The following MNAT1 variants were observed in gnomAD, a reference collection of about 807,000 sequenced individuals.
The protein encoded by MNAT1 is CDK-activating kinase assembly factor MAT1.
A neutral mutation model predicts 42.0 loss-of-function variants in MNAT1; 43 were observed. That is an observed-to-expected ratio of 1.02 (90% CI 0.80 to 1.32). The LOEUF (loss-of-function observed/expected upper bound fraction) is 1.32, where lower values mean the gene tolerates loss of function less well. Ranked by LOEUF, MNAT1 falls within the 40% of genes most tolerant of loss-of-function variation. The pLI, the probability that MNAT1 is intolerant of heterozygous loss-of-function variation, is 0.00. For synonymous variants in MNAT1, 118 were observed against 120.0 expected (o/e 0.98, Z 0.11); for missense variants, 306 against 350.4 (o/e 0.87, Z 1.01).
At chr14:60,850,047 T>G (rs1319065753) in intron 6 of MNAT1, among the ~76,000 whole-genome samples, 4 of 152,056 alleles carry the variant, frequency 2.6e-5, no homozygotes. Flanking sequence ...ATTTTGACCA[T>G]GCTGGTATCA....
chr14:60,807,962 C>T (rs1242754084), intron 3 of MNAT1, among the ~76,000 whole-genome samples: 1 of 151,604 alleles, frequency 6.6e-6, no homozygotes, highest in Non-Finnish European at 1.5e-5. Flanking sequence ...AATTCTGATT[C>T]TTGTAGTAGA....
intron 6 of MNAT1, among the ~76,000 whole-genome samples, chr14:60,860,234 T>TTGA (rs762746423): frequency 1.3e-5 from 2 of 152,102 alleles, no homozygotes; most frequent in African/African-American, 2.4e-5. Flanking sequence ...TCTCTTCCTG[T>TTGA]TGATGATGAT....
At chr14:60,888,466 C>T (rs1020634385) in intron 7 of MNAT1, among the ~76,000 whole-genome samples, 1 of 152,056 alleles carries the variant, frequency 6.6e-6, no homozygotes, top group Admixed American at 6.6e-5. Flanking sequence ...TAAGAGCTAT[C>T]TATGACAAAC....
intron 1 of MNAT1, among the ~76,000 whole-genome samples, chr14:60,747,724 T>A (rs937175771): frequency 4.6e-5 from 7 of 152,164 alleles, no homozygotes; most frequent in Non-Finnish European, 7.4e-5. Flanking sequence ...TATAAAAAAA[T>A]TTTCTTTCTT....
rs978672672 is a variant in MNAT1 at position 60,948,179 on chromosome 14, T to C, written c.810-20050T>C. ...AGCATGGTGACTCACGCCTGTAATC[T>C]CAGCGCTTACCAAGGCCAAGGCGGG... On this transcript the variant is annotated intron_variant, in intron 7 of 7. Coordinates refer to ENST00000261245, the MANE Select transcript of MNAT1 (RefSeq NM_002431.4). Among the ~76,000 whole-genome samples the C allele has an allele frequency of 4.4e-4, 67 of 152,132 alleles. 1 individual carries two copies. Among genetic ancestry groups the C allele is most frequent in the Non-Finnish European group, 1.0e-4 (7 of 68,018 alleles).
chr14:60,836,899 T>C (rs2033406055), intron 6 of MNAT1, among the ~76,000 whole-genome samples: 1 of 152,136 alleles, frequency 6.6e-6, no homozygotes. Context: ...TATAAGCCCC[T>C]TACTGGGGCT....
intron 3 of MNAT1, among the ~76,000 whole-genome samples, chr14:60,802,931 C>CTT (rs562133472): frequency 7.3e-4 from 97 of 133,290 alleles, no homozygotes; most frequent in African/African-American, 1.2e-3. Flanking sequence ...ATAAATAAAA[C>CTT]TTTTTTTTTT....
At chr14:60,760,280 C>G (rs1204375049) in intron 1 of MNAT1, among the ~76,000 whole-genome samples, 1 of 151,654 alleles carries the variant, frequency 6.6e-6, no homozygotes, top group Non-Finnish European at 1.5e-5. Context: ...ATGGATATTG[C>G]TTCTGTTGAT....
At chr14:60,780,384 C>T (rs1159101556) in intron 1 of MNAT1, 1 of 1,568,314 alleles carries the variant, frequency 6.4e-7, no homozygotes, top group African/African-American at 1.3e-5. Context: ...AGACAGATCA[C>T]AGCTACAGTG....
At chr14:60,907,069 T>A (rs1399933258) in intron 7 of MNAT1, among the ~76,000 whole-genome samples, 1 of 152,182 alleles carries the variant, frequency 6.6e-6, no homozygotes, top group Admixed American at 6.5e-5. Flanking sequence ...ACAAAATTTC[T>A]ATTTTTAACT....
chr14:60,967,667 C>T (rs1477541906), intron 7 of MNAT1, among the ~76,000 whole-genome samples: 1 of 152,180 alleles, frequency 6.6e-6, no homozygotes, highest in African/African-American at 2.4e-5. Flanking sequence ...GGCTCAGTCT[C>T]AGAGATTTCT....
At chr14:60,923,956 A>G (rs982369069) in intron 7 of MNAT1, among the ~76,000 whole-genome samples, 1 of 152,212 alleles carries the variant, frequency 6.6e-6, no homozygotes, top group East Asian at 1.9e-4. Context: ...AGATAAAAAC[A>G]GTAGATATAT....
intron 6 of MNAT1, among the ~76,000 whole-genome samples, chr14:60,877,350 G>T: frequency 6.6e-6 from 1 of 152,046 alleles, no homozygotes; most frequent in East Asian, 1.9e-4. Context: ...TAGCTAGGAT[G>T]ATGCTACATA....
At chr14:60,825,297 G>A (rs906691834) in intron 6 of MNAT1, among the ~76,000 whole-genome samples, 6 of 152,168 alleles carry the variant, frequency 3.9e-5, no homozygotes, top group African/African-American at 9.7e-5. Context: ...GAATGGCATA[G>A]TATTTACATG....
At chr14:60,784,834 T>G (rs137895037) in intron 1 of MNAT1, among the ~76,000 whole-genome samples, 1 of 151,944 alleles carries the variant, frequency 6.6e-6, no homozygotes, top group African/African-American at 2.4e-5. Flanking sequence ...AAGGACTTGA[T>G]AAATGTGTAG....
intron 4 of MNAT1, 142 bp from the exon 5 acceptor site, chr14:60,811,845 C>T: frequency 1.8e-6 from 1 of 547,650 alleles, no homozygotes. Flanking sequence ...ATTCTATTTT[C>T]TTCAATATGG....
intron 3 of MNAT1, among the ~76,000 whole-genome samples, chr14:60,800,133 A>G (rs1264640387): frequency 6.6e-6 from 1 of 152,004 alleles, no homozygotes; most frequent in Admixed American, 6.6e-5. Flanking sequence ...TTATGTAGTT[A>G]TGTAATTAAA....
chr14:60,749,474 T>C (rs932549228), intron 1 of MNAT1, among the ~76,000 whole-genome samples: 1 of 152,178 alleles, frequency 6.6e-6, no homozygotes, highest in African/African-American at 2.4e-5. Flanking sequence ...ATTGCCTGGG[T>C]TGGAATCCTA....
chr14:60,923,049 G>A (rs539575246), intron 7 of MNAT1, among the ~76,000 whole-genome samples: 9 of 152,272 alleles, frequency 5.9e-5, no homozygotes, highest in African/African-American at 2.2e-4. Flanking sequence ...TACTACCATA[G>A]ATACTTTCTT....
Sources: allele counts gnomAD v4.1 joint callset (sites outside exome capture counted in the v4.1 genomes callset), GRCh38; gene constraint gnomAD v4.1.1; transcripts MANE v1.5; gene names NCBI Gene and HGNC (gene_info 2026-07-23, HGNC 2026-07-21).